PTBP3: variants seen among roughly 807,000 people sequenced by gnomAD.
The protein encoded by PTBP3 is polypyrimidine tract binding protein 3.
Under a neutral mutation model 58.7 loss-of-function variants are expected in PTBP3, and 20 were observed. The observed-to-expected ratio is 0.34, with a 90% CI of 0.24 to 0.50. PTBP3 has a LOEUF of 0.50. Ranked by LOEUF, PTBP3 falls within the 20% of genes least tolerant of loss-of-function variation. The pLI, the probability that PTBP3 is intolerant of heterozygous loss-of-function variation, is 0.98. For synonymous variants in PTBP3, 185 were observed against 219.8 expected, an observed-to-expected ratio of 0.84 and a Z score of 1.40; for missense variants, 509 against 637.2, an observed-to-expected ratio of 0.80 and a Z score of 2.17.
chr9:112,368,360 A>G, the PTBP3 span, among the ~76,000 whole-genome samples: 1 of 152,068 alleles, frequency 6.6e-6, no homozygotes, highest in Non-Finnish European at 1.5e-5. Flanking sequence ...TAGTAGAGAC[A>G]GGGTTTCGCC....
chr9:112,300,579 C>A (rs1415697510), intron 1 of PTBP3, among the ~76,000 whole-genome samples: 1 of 151,894 alleles, frequency 6.6e-6, no homozygotes, highest in Non-Finnish European at 1.5e-5. Flanking sequence ...GGTGAAACCC[C>A]GTCTCTACTA....
intron 3 of PTBP3, among the ~76,000 whole-genome samples, chr9:112,269,134 T>G (rs1589845667): frequency 6.8e-6 from 1 of 146,028 alleles, no homozygotes; most frequent in Non-Finnish European, 1.5e-5. Context: ...GAGGCGGAGG[T>G]TGCAGTGAGC....
rs1828673961 is a variant in PTBP3, at chr9:112,296,047, C to A, written c.34+1785G>T. 1.3e-5 allele frequency among the ~76,000 whole-genome samples: 2 copies of A among 152,178 alleles called. 1 individual carries two copies. The highest frequency in any genetic ancestry group is 4.1e-4 in the South Asian group (2 of 4,830). On this transcript the variant is annotated intron_variant, in intron 2 of 13. Coordinates refer to ENST00000374257, the MANE Select transcript of PTBP3 (RefSeq NM_001163788.4). ...GTTTTGCAATGGTTTTTTAGCTCATCAGCTATCATTAATGTTAGCGTATTT... is the reference window on the plus strand; with the variant it reads ...GTTTTGCAATGGTTTTTTAGCTCATAAGCTATCATTAATGTTAGCGTATTT...
intron 6 of PTBP3, 102 bp downstream of exon 6, chr9:112,252,576 T>C (rs1836174617): frequency 2.3e-6 from 2 of 853,454 alleles, no homozygotes; most frequent in Admixed American, 4.8e-5. Flanking sequence ...AACATGTATA[T>C]TTTGCCACAA....
chr9:112,368,501 GA>G, the PTBP3 span, among the ~76,000 whole-genome samples: 49 of 144,874 alleles, frequency 3.4e-4, no homozygotes, highest in East Asian at 8.7e-3. Context: ...AGCACACTGT[GA>G]AAGGAATTCT....
chr9:112,344,786 A>G, the PTBP3 span, among the ~76,000 whole-genome samples: 1 of 152,252 alleles, frequency 6.6e-6, no homozygotes, highest in East Asian at 1.9e-4. Context: ...TAAGATTAAC[A>G]TATGAAAATT....
chr9:112,250,515 A>C (rs1284270531), intron 7 of PTBP3, among the ~76,000 whole-genome samples: 1 of 152,190 alleles, frequency 6.6e-6, no homozygotes, highest in Non-Finnish European at 1.5e-5. Flanking sequence ...TCTTTGAATA[A>C]AAGATCATAC....
intron 10 of PTBP3, among the ~76,000 whole-genome samples, 160 bp downstream of exon 10, chr9:112,231,220 A>G (rs904814933): frequency 6.0e-5 from 9 of 150,588 alleles, no homozygotes; most frequent in Admixed American, 6.6e-5. Context: ...CCATACTATA[A>G]ATCATCACTG....
chr9:112,244,739 G>A (rs895767535), intron 7 of PTBP3, among the ~76,000 whole-genome samples: 2 of 151,760 alleles, frequency 1.3e-5, no homozygotes, highest in African/African-American at 2.4e-5. Flanking sequence ...TCAAAGACTG[G>A]AAGATTCTAT....
At chr9:112,363,579 T>TGAAA in the PTBP3 span, among the ~76,000 whole-genome samples, 2 of 151,322 alleles carry the variant, frequency 1.3e-5, no homozygotes, top group Admixed American at 1.3e-4. Flanking sequence ...TCTTGACCTA[T>TGAAA]TAGTCTTGGT....
At chr9:112,256,282 T>TATATATAG (rs1836351503) in intron 5 of PTBP3, among the ~76,000 whole-genome samples, 1 of 52,604 alleles carries the variant, frequency 1.9e-5, no homozygotes, top group African/African-American at 1.6e-4. Context: ...AATATATATA[T>TATATATAG]ATATATATAT....
At chr9:112,225,517 T>C (rs748564660) in intron 12 of PTBP3, among the ~76,000 whole-genome samples, 4 of 152,128 alleles carry the variant, frequency 2.6e-5, no homozygotes, top group Admixed American at 6.5e-5. Flanking sequence ...TGTAAAGCAA[T>C]TAATGTGAAT....
intron 1 of PTBP3, among the ~76,000 whole-genome samples, chr9:112,322,756 A>G (rs1830005301): frequency 1.3e-5 from 2 of 152,250 alleles, no homozygotes; most frequent in African/African-American, 2.4e-5. Flanking sequence ...ATTATCAGAC[A>G]TGGTTTAAAA....
Position 112,220,728 on chromosome 9 carries a change from G to A in PTBP3, c.*3123C>T. 1.0e-6 allele frequency: 1 copy of A among 983,322 alleles called. No individual in the cohort carries two copies. The highest frequency in any genetic ancestry group is 4.7e-5 in the South Asian group (1 of 21,290). 60.9% of individuals were successfully genotyped at this position (983,322 alleles called of 1,614,324 possible). A position where few individuals can be genotyped will look rare whatever the true frequency, so the allele number is the denominator to read the frequency against. ...TACACAAAACACATTTTACTGCTAT[G>A]CAAATTATTCAAATCTCAAAGTAAA... On this transcript the variant is annotated 3_prime_UTR_variant, in exon 14 of 14. Transcript: ENST00000374257.
intron 5 of PTBP3, among the ~76,000 whole-genome samples, chr9:112,257,212 G>C (rs1836405229): frequency 6.6e-6 from 1 of 152,152 alleles, no homozygotes; most frequent in South Asian, 2.1e-4. Flanking sequence ...TAGTCCCCTG[G>C]ATTGTATTCA....
chr9:112,274,061 A>C (rs1564424531), intron 3 of PTBP3, among the ~76,000 whole-genome samples: 3 of 152,214 alleles, frequency 2.0e-5, no homozygotes, highest in Non-Finnish European at 4.4e-5. Context: ...TACTATTCTC[A>C]GTAGTAGCAA....
chr9:112,261,254 A>G (rs6477904), intron 5 of PTBP3, among the ~76,000 whole-genome samples: 85,292 of 152,064 alleles, frequency 0.56, 25,800 homozygotes, highest in African/African-American at 0.81. Flanking sequence ...TCACAAATGC[A>G]TATGTTTTAA....
intron 4 of PTBP3, among the ~76,000 whole-genome samples, chr9:112,265,739 C>T (rs1012162254): frequency 1.3e-5 from 2 of 152,108 alleles, no homozygotes; most frequent in African/African-American, 4.8e-5. Context: ...ATATGATCAG[C>T]AGGCATAGAG....
At chr9:112,378,910 GGC>G in the PTBP3 span, among the ~76,000 whole-genome samples, 1 of 152,220 alleles carries the variant, frequency 6.6e-6, no homozygotes, top group Non-Finnish European at 1.5e-5. Context: ...AGAGAGGCCG[GGC>G]GCGGAGGCTC....
Sources: gnomAD v4.1 joint callset for allele counts (sites outside exome capture counted in the v4.1 genomes callset) on GRCh38, gnomAD v4.1.1 for gene constraint, MANE v1.5 for transcripts, NCBI Gene and HGNC (gene_info 2026-07-23, HGNC 2026-07-21) for gene names.